The following PLEKHM3 variants were observed in gnomAD, a reference collection of about 807,000 sequenced individuals.
The protein encoded by PLEKHM3 is pleckstrin homology domain-containing family M member 3.
Under a neutral mutation model 81.8 loss-of-function variants are expected in PLEKHM3, and 45 were observed. The ratio of observed to expected loss-of-function variants is 0.55; its 90% CI spans 0.43 to 0.71. The LOEUF (loss-of-function observed/expected upper bound fraction) is 0.71, where lower values mean the gene tolerates loss of function less well. Among genes scored for constraint, PLEKHM3 ranks in the 30% least tolerant of loss-of-function variants. The pLI is 0.00. For missense variants in PLEKHM3, 788 were observed against 924.3 expected (o/e 0.85, Z 1.91); for synonymous variants, 352 against 356.4 (o/e 0.99, Z 0.14).
intron 2 of PLEKHM3, among the ~76,000 whole-genome samples, chr2:207,992,262 G>A (rs1028335328): frequency 6.6e-6 from 1 of 152,166 alleles, no homozygotes; most frequent in Non-Finnish European, 1.5e-5. Context: ...TAGCTGCATA[G>A]GCTTGGATGA....
intron 6 of PLEKHM3, among the ~76,000 whole-genome samples, chr2:207,876,740 C>T (rs955507599): frequency 1.3e-5 from 2 of 152,146 alleles, no homozygotes; most frequent in Admixed American, 1.3e-4. Context: ...CGCATATTGC[C>T]GTTTTCTATT....
intron 5 of PLEKHM3, among the ~76,000 whole-genome samples, chr2:207,913,515 A>G (rs1443990099): frequency 6.6e-6 from 1 of 152,146 alleles, no homozygotes; most frequent in Non-Finnish European, 1.5e-5. Context: ...GAGAGGTCAA[A>G]TAACGTAAGG....
At chr2:207,994,074 C>T (rs1691990378) in intron 2 of PLEKHM3, among the ~76,000 whole-genome samples, 1 of 152,166 alleles carries the variant, frequency 6.6e-6, no homozygotes, top group Non-Finnish European at 1.5e-5. Flanking sequence ...TAACCTGCCT[C>T]AGTAGGTTCG....
chr2:207,997,245 T>C lies in PLEKHM3; in HGVS notation c.610+3785A>G, dbSNP rs145301814. Among the ~76,000 whole-genome samples the C allele has an allele frequency of 2.0e-4, 30 of 152,234 alleles. No individual in the cohort carries two copies. In the East Asian group the frequency reaches 5.4e-3, roughly 27 times the overall value. ...CAGCCCTCATTATACCGGAGCCCAATTTTGCTTTATGCACCCAAAGCAGCA... is the reference window on the plus strand; with the variant it reads ...CAGCCCTCATTATACCGGAGCCCAACTTTGCTTTATGCACCCAAAGCAGCA... On this transcript the variant is annotated intron_variant, in intron 2 of 7. Coordinates refer to ENST00000427836, the MANE Select transcript of PLEKHM3 (RefSeq NM_001080475.3).
intron 7 of PLEKHM3, among the ~76,000 whole-genome samples, chr2:207,832,496 T>A (rs1559199220): frequency 6.6e-6 from 1 of 152,166 alleles, no homozygotes; most frequent in East Asian, 1.9e-4. Flanking sequence ...TTTTTCACTT[T>A]AAAAAAATTC....
intron 6 of PLEKHM3, among the ~76,000 whole-genome samples, chr2:207,889,725 C>T (rs1256323743): frequency 6.6e-6 from 1 of 152,150 alleles, no homozygotes; most frequent in Non-Finnish European, 1.5e-5. Context: ...CCTTTCTCCC[C>T]ATTTCCAATG....
At chr2:208,012,544 C>T (rs1466218870) in intron 1 of PLEKHM3, among the ~76,000 whole-genome samples, 1 of 152,172 alleles carries the variant, frequency 6.6e-6, no homozygotes, top group African/African-American at 2.4e-5. Context: ...GGACCATAAA[C>T]AAGGAGTGAG....
In PLEKHM3 at chr2:208,013,865, A is replaced by C. The variant is rs144302678; in HGVS notation, c.-319+11524T>G. Among the ~76,000 whole-genome samples, 9 of 152,302 alleles carry C rather than the reference A, an allele frequency of 5.9e-5. No individual in the cohort carries two copies. In the East Asian group the frequency reaches 1.4e-3, roughly 23 times the overall value. On this transcript the variant is annotated intron_variant, in intron 1 of 7. Transcript: ENST00000427836. The stretch of plus-strand genomic sequence containing the variant: ...CAACAACCGGCTTATGGCTTAGCAC[A>C]CTCTCACAAACCAGTTTCTATGGGC...
intron 7 of PLEKHM3, among the ~76,000 whole-genome samples, chr2:207,834,193 G>A (rs1479214737): frequency 6.7e-6 from 1 of 149,494 alleles, no homozygotes; most frequent in African/African-American, 2.5e-5. Context: ...GCAATGGCAC[G>A]ATCTCAGCTC....
chr2:208,017,089 G>C, intron 1 of PLEKHM3, among the ~76,000 whole-genome samples: 1 of 152,104 alleles, frequency 6.6e-6, no homozygotes, highest in Non-Finnish European at 1.5e-5. Context: ...GCAAACTCAA[G>C]TTTTGCCTTT....
chr2:207,921,949 G>T (rs1006813207), intron 5 of PLEKHM3, among the ~76,000 whole-genome samples: 1 of 152,176 alleles, frequency 6.6e-6, no homozygotes, highest in African/African-American at 2.4e-5. Context: ...TAAATAAGGG[G>T]AGCAGATATC....
rs1559212714 is a variant in PLEKHM3, at chr2:207,865,796, A to AT, written c.1951-4535_1951-4534insA. 1.2e-3 allele frequency among the ~76,000 whole-genome samples: 54 copies of AT among 45,396 alleles called. 6 individuals are homozygous for AT. Among genetic ancestry groups the AT allele is most frequent in the African/African-American group, 5.7e-3 (51 of 8,922 alleles). The allele number at this position is 45,396 out of a possible 152,430, so 29.8% of individuals were successfully genotyped here. A position where few individuals can be genotyped will look rare whatever the true frequency, so the allele number is the denominator to read the frequency against. On this transcript the variant is annotated intron_variant, in intron 6 of 7. Transcript: ENST00000427836. ...AACTCCGACTCAAAAAAAAAAAAAAAAAAAAAGATATATATATATATATAT... is the reference window on the plus strand; with the variant it reads ...AACTCCGACTCAAAAAAAAAAAAAAATAAAAAAGATATATATATATATATAT...
intron 2 of PLEKHM3, 79 bp from the exon 3 acceptor site, chr2:207,977,665 G>C (rs1336102311): frequency 1.1e-5 from 14 of 1,252,530 alleles, no homozygotes; most frequent in Non-Finnish European, 1.3e-5. Context: ...ACAGATCAGG[G>C]CACAAGAAAC....
chr2:207,983,772 T>C (rs1346033175), intron 2 of PLEKHM3, among the ~76,000 whole-genome samples: 2 of 152,208 alleles, frequency 1.3e-5, no homozygotes, highest in Admixed American at 6.5e-5. Context: ...GAATTTTCCC[T>C]GTCATGCACC....
intron 5 of PLEKHM3, among the ~76,000 whole-genome samples, chr2:207,914,582 TGCA>T (rs923179308): frequency 6.6e-6 from 1 of 151,060 alleles, no homozygotes; most frequent in African/African-American, 2.4e-5. Flanking sequence ...CTCAAGAGGC[TGCA>T]GCAGGAGGAT....
chr2:207,903,580 C>A (rs1559229355), intron 6 of PLEKHM3, among the ~76,000 whole-genome samples: 4 of 152,288 alleles, frequency 2.6e-5, no homozygotes, highest in Non-Finnish European at 5.9e-5. Flanking sequence ...TAAAATCTGA[C>A]CTTTTCTTTC....
At chr2:207,889,649 G>A (rs955303783) in intron 6 of PLEKHM3, among the ~76,000 whole-genome samples, 1 of 152,058 alleles carries the variant, frequency 6.6e-6, no homozygotes, top group Non-Finnish European at 1.5e-5. Flanking sequence ...GACTGGAAGA[G>A]GTGGGGGTGG....
intron 5 of PLEKHM3, among the ~76,000 whole-genome samples, chr2:207,910,574 C>G (rs1688779254): frequency 6.6e-6 from 1 of 152,150 alleles, no homozygotes; most frequent in African/African-American, 2.4e-5. Context: ...CTTTCTGACT[C>G]CAAAGGCCTA....
chr2:207,933,471 G>A (rs73983648), intron 4 of PLEKHM3, among the ~76,000 whole-genome samples: 11,894 of 152,224 alleles, frequency 0.078, 1,001 homozygotes, highest in African/African-American at 0.21. Flanking sequence ...AACTGTTGCT[G>A]AAAAATGATG....
Sources: gnomAD v4.1 joint callset for allele counts (sites outside exome capture counted in the v4.1 genomes callset) on GRCh38, gnomAD v4.1.1 for gene constraint, MANE v1.5 for transcripts, NCBI Gene and HGNC (gene_info 2026-07-23, HGNC 2026-07-21) for gene names.